The following STXBP5L variants were observed in gnomAD, a reference collection of about 807,000 sequenced individuals.
STXBP5L encodes syntaxin-binding protein 5-like.
STXBP5L carries 65 observed loss-of-function variants against 144.5 expected under a neutral mutation model. The observed-to-expected ratio is 0.45, with a 90% CI of 0.37 to 0.55. STXBP5L has a LOEUF of 0.55. STXBP5L is among the 20% of genes least tolerant of loss of function. STXBP5L has a pLI of 0.00. For missense variants in STXBP5L, 1,298 were observed against 1,405.5 expected (o/e 0.92, Z 1.22); for synonymous variants, 505 against 469.6 (o/e 1.08, Z -0.97).
intron 7 of STXBP5L, among the ~76,000 whole-genome samples, chr3:121,134,739 CCT>C (rs1491530787): frequency 1.3e-5 from 2 of 151,952 alleles, no homozygotes; most frequent in Non-Finnish European, 2.9e-5. Context: ...ATGAACTCAT[CCT>C]TTTTTATGAC....
chr3:121,170,039 AACTC>A (rs199848759), intron 9 of STXBP5L, among the ~76,000 whole-genome samples: 15,051 of 152,194 alleles, frequency 0.099, 1,148 homozygotes, highest in Admixed American at 0.2. Context: ...AGGATTAAGA[AACTC>A]AATCAAAACC....
chr3:120,966,898 C>T (rs1029201026), intron 3 of STXBP5L, among the ~76,000 whole-genome samples: 4 of 152,162 alleles, frequency 2.6e-5, no homozygotes, highest in African/African-American at 9.7e-5. Flanking sequence ...CTATACCCTG[C>T]CCAGAGAGTT....
At chr3:121,096,115 C>G (rs1576941330) in intron 5 of STXBP5L, among the ~76,000 whole-genome samples, 3 of 151,732 alleles carry the variant, frequency 2.0e-5, no homozygotes, top group Non-Finnish European at 4.4e-5. Context: ...TCCTGCCCCC[C>G]ACTGTCTGAC....
chr3:121,092,486 C>T (rs1458537506), intron 5 of STXBP5L, among the ~76,000 whole-genome samples: 7 of 152,140 alleles, frequency 4.6e-5, no homozygotes, highest in East Asian at 1.9e-4. Context: ...AGGTCCTTCA[C>T]GTCCCTTGTA....
intron 5 of STXBP5L, among the ~76,000 whole-genome samples, chr3:121,065,741 T>G (rs1195969719): frequency 3.3e-5 from 5 of 152,122 alleles, no homozygotes; most frequent in Non-Finnish European, 5.9e-5. Context: ...AAAATATATA[T>G]TATTAGCTGA....
intron 10 of STXBP5L, among the ~76,000 whole-genome samples, chr3:121,216,215 A>T (rs1263720570): frequency 1.3e-5 from 2 of 152,068 alleles, no homozygotes; most frequent in Non-Finnish European, 2.9e-5. Flanking sequence ...CTCATTCTCC[A>T]TCCAGTTTTG....
intron 5 of STXBP5L, among the ~76,000 whole-genome samples, chr3:121,068,877 T>G (rs1438777482): frequency 6.6e-6 from 1 of 152,188 alleles, no homozygotes; most frequent in African/African-American, 2.4e-5. Context: ...CTCTCTGCTT[T>G]TATTATTTCA....
At chr3:120,988,480 T>C (rs1319529353) in intron 3 of STXBP5L, among the ~76,000 whole-genome samples, 1 of 151,950 alleles carries the variant, frequency 6.6e-6, no homozygotes, top group Non-Finnish European at 1.5e-5. Context: ...TTCACCTCAA[T>C]TGTTTTAAAT....
chr3:121,189,392 T>G lies in STXBP5L; in HGVS notation c.878-16531T>G, dbSNP rs145174094. 2.2e-3 allele frequency among the ~76,000 whole-genome samples: 335 copies of G among 152,348 alleles called. 1 individual carries two copies. The highest frequency in any genetic ancestry group is 3.9e-3 in the Non-Finnish European group (268 of 68,038). ...AGTCTTTAATCCATCTTGAATTAATTTTTGTATAAAGTGTAAGGAAGGGAT... is the reference window on the plus strand; with the variant it reads ...AGTCTTTAATCCATCTTGAATTAATGTTTGTATAAAGTGTAAGGAAGGGAT... On this transcript the variant is annotated intron_variant, in intron 9 of 26. Transcript: ENST00000471454.
At chr3:121,097,676 G>C (rs769522339) in intron 5 of STXBP5L, among the ~76,000 whole-genome samples, 1 of 152,124 alleles carries the variant, frequency 6.6e-6, no homozygotes, top group African/African-American at 2.4e-5. Context: ...GAGATGAACC[G>C]GGTACCTCAG....
chr3:120,951,182 C>G (rs1333236321), intron 2 of STXBP5L, among the ~76,000 whole-genome samples: 1 of 152,160 alleles, frequency 6.6e-6, no homozygotes, highest in African/African-American at 2.4e-5. Flanking sequence ...AAACATTAGA[C>G]CTAAAACCAT....
chr3:121,346,920 G>A (rs540865233), intron 20 of STXBP5L, among the ~76,000 whole-genome samples: 45 of 152,196 alleles, frequency 3.0e-4, no homozygotes, highest in South Asian at 2.5e-3. Flanking sequence ...CACTCTGATG[G>A]CGGTTTCTTT....
intron 5 of STXBP5L, among the ~76,000 whole-genome samples, chr3:121,108,167 G>T (rs1419689185): frequency 6.6e-6 from 1 of 152,142 alleles, no homozygotes; most frequent in Non-Finnish European, 1.5e-5. Flanking sequence ...AACAGAGACA[G>T]TTTGACTTCC....
chr3:121,157,568 G>C lies in STXBP5L; in HGVS notation c.818G>C (p.Ser273Thr). Residue 273 changes from serine to threonine, a missense_variant, in exon 9 of 27, where the codon AGT becomes ACT. Transcript: ENST00000471454. ...TTCATGTGCAGCCATTCAGATGGTA[G>C]TTTGACTTTATGGAACCTGAAAAGC... ...KQFMCSHSDG[S>T]LTLWNLKSPS... The C allele has an allele frequency of 6.2e-7, 1 of 1,606,678 alleles. No individual in the cohort carries two copies. Among genetic ancestry groups the C allele is most frequent in the Non-Finnish European group, 8.5e-7 (1 of 1,177,018 alleles).
intron 20 of STXBP5L, among the ~76,000 whole-genome samples, chr3:121,346,023 G>A (rs2331713): frequency 0.76 from 115,313 of 151,568 alleles, 43,983 homozygotes; most frequent in East Asian, 0.93. Flanking sequence ...TTGCATATGT[G>A]TACATGTGAA....
chr3:121,346,882 T>C (rs1253577577), intron 20 of STXBP5L, among the ~76,000 whole-genome samples: 2 of 152,078 alleles, frequency 1.3e-5, no homozygotes, highest in African/African-American at 2.4e-5. Flanking sequence ...GTTGCAAAAA[T>C]TTTCTCCCAT....
intron 9 of STXBP5L, among the ~76,000 whole-genome samples, chr3:121,171,960 G>A (rs1384964824): frequency 6.6e-6 from 1 of 152,146 alleles, no homozygotes; most frequent in African/African-American, 2.4e-5. Context: ...TATACTACAA[G>A]GCTACAGTAA....
At chr3:120,956,962 T>C (rs1296211265) in intron 3 of STXBP5L, among the ~76,000 whole-genome samples, 2 of 152,010 alleles carry the variant, frequency 1.3e-5, no homozygotes, top group Non-Finnish European at 2.9e-5. Context: ...TTTTAGGTTT[T>C]ACATTTGGGC....
intron 3 of STXBP5L, among the ~76,000 whole-genome samples, chr3:121,023,694 G>A (rs1186498041): frequency 1.3e-5 from 2 of 152,082 alleles, no homozygotes; most frequent in Non-Finnish European, 2.9e-5. Flanking sequence ...AAACGAAACT[G>A]GATTCTCTTC....
Sources: gnomAD v4.1 joint callset for allele counts (sites outside exome capture counted in the v4.1 genomes callset) on GRCh38, gnomAD v4.1.1 for gene constraint, MANE v1.5 for transcripts, NCBI Gene and HGNC (gene_info 2026-07-23, HGNC 2026-07-21) for gene names.